The following TMEM132D variants were observed in gnomAD, a reference collection of about 807,000 sequenced individuals.
TMEM132D encodes transmembrane protein 132D, also known as mature OL transmembrane protein.
A neutral mutation model predicts 62.3 loss-of-function variants in TMEM132D; 21 were observed. The observed-to-expected ratio is 0.34, with a 90% CI of 0.24 to 0.49. TMEM132D has a LOEUF of 0.49. Among genes scored for constraint, TMEM132D ranks in the 20% least tolerant of loss-of-function variants. The pLI is 0.99. For missense variants in TMEM132D, 1,346 were observed against 1,402.8 expected, an observed-to-expected ratio of 0.96 and a Z score of 0.65; for synonymous variants, 621 against 575.6, an observed-to-expected ratio of 1.08 and a Z score of -1.13.
intron 3 of TMEM132D, among the ~76,000 whole-genome samples, chr12:129,402,674 G>A (rs1299921936): frequency 2.0e-5 from 3 of 152,158 alleles, no homozygotes; most frequent in South Asian, 4.1e-4. Flanking sequence ...GGACTCAAGC[G>A]ATCCTCCCAT....
At chr12:129,558,463 G>T (rs1171135881) in intron 2 of TMEM132D, among the ~76,000 whole-genome samples, 1 of 152,144 alleles carries the variant, frequency 6.6e-6, no homozygotes, top group Non-Finnish European at 1.5e-5. Context: ...GTAAGGATCA[G>T]GGGGCTACAG....
chr12:129,694,560 G>C (rs1007838073), intron 2 of TMEM132D, among the ~76,000 whole-genome samples: 1 of 152,238 alleles, frequency 6.6e-6, no homozygotes, highest in Admixed American at 6.5e-5. Flanking sequence ...CAGTGGCTGA[G>C]TCTTGGCCAA....
At chr12:129,532,019 G>A (rs1876240639) in intron 2 of TMEM132D, among the ~76,000 whole-genome samples, 1 of 152,032 alleles carries the variant, frequency 6.6e-6, no homozygotes, top group African/African-American at 2.4e-5. Flanking sequence ...TCGACCCACA[G>A]CACTCCAGTT....
chr12:129,110,591 A>G (rs1174231674), intron 5 of TMEM132D: 2 of 152,194 alleles, frequency 1.3e-5, no homozygotes, highest in Non-Finnish European at 2.9e-5. Context: ...AGCACCCACA[A>G]TCCACGAGTA....
intron 5 of TMEM132D, among the ~76,000 whole-genome samples, chr12:129,187,043 C>A (rs1878240421): frequency 1.3e-5 from 2 of 152,076 alleles, no homozygotes; most frequent in African/African-American, 4.8e-5. Context: ...GATCTCAATC[C>A]CCTCCACCCA....
At chr12:129,286,133 AG>A (rs1189307257) in intron 4 of TMEM132D, among the ~76,000 whole-genome samples, 39 of 152,218 alleles carry the variant, frequency 2.6e-4, no homozygotes, top group Non-Finnish European at 8.8e-5. Context: ...TTCATTAGGA[AG>A]GAAGTTAAAC....
chr12:129,174,153 G>A (rs1593285441), intron 5 of TMEM132D, among the ~76,000 whole-genome samples: 1 of 152,216 alleles, frequency 6.6e-6, no homozygotes, highest in South Asian at 2.1e-4. Context: ...AGAACATGCA[G>A]GTTTGTTACA....
At chr12:129,664,090 T>A (rs1593111026) in intron 2 of TMEM132D, among the ~76,000 whole-genome samples, 1 of 152,140 alleles carries the variant, frequency 6.6e-6, no homozygotes, top group Admixed American at 6.5e-5. Context: ...TTTCTATTTT[T>A]AAAAAAATAG....
intron 2 of TMEM132D, among the ~76,000 whole-genome samples, chr12:129,608,270 C>G (rs768514142): frequency 2.0e-5 from 3 of 152,180 alleles, no homozygotes; most frequent in Non-Finnish European, 4.4e-5. Flanking sequence ...AAAATACCAA[C>G]TTTTCTGCAG....
At chr12:129,693,205 A>G (rs1396022723) in intron 2 of TMEM132D, among the ~76,000 whole-genome samples, 1 of 152,232 alleles carries the variant, frequency 6.6e-6, no homozygotes, top group Non-Finnish European at 1.5e-5. Context: ...TCTCACCATT[A>G]CTATTTTACA....
chr12:129,603,932 C>T (rs112142807), intron 2 of TMEM132D, among the ~76,000 whole-genome samples: 15,222 of 152,166 alleles, frequency 0.1, 877 homozygotes, highest in African/African-American at 0.15. Context: ...ATGCCCATCA[C>T]TGATACACTG....
At chr12:129,158,875 G>A (rs999759767) in intron 5 of TMEM132D, among the ~76,000 whole-genome samples, 4 of 152,150 alleles carry the variant, frequency 2.6e-5, no homozygotes, top group African/African-American at 9.7e-5. Context: ...TACAGTCATG[G>A]CAGAAGGTGA....
chr12:129,186,152 G>A (rs1440399569), intron 5 of TMEM132D, among the ~76,000 whole-genome samples: 1 of 152,106 alleles, frequency 6.6e-6, no homozygotes, highest in African/African-American at 2.4e-5. Flanking sequence ...GCCCCCATGG[G>A]GATGCTATCA....
intron 4 of TMEM132D, among the ~76,000 whole-genome samples, chr12:129,309,022 A>T (rs1161139394): frequency 2.0e-5 from 3 of 152,190 alleles, no homozygotes; most frequent in Admixed American, 6.5e-5. Context: ...GGTCTTCATA[A>T]TCCATAGGGT....
chr12:129,472,836 A>G (rs1313254091), intron 3 of TMEM132D, among the ~76,000 whole-genome samples: 3 of 152,194 alleles, frequency 2.0e-5, no homozygotes, highest in African/African-American at 7.2e-5. Context: ...AACAAGAGTC[A>G]ATCAATGTAG....
intron 3 of TMEM132D, among the ~76,000 whole-genome samples, chr12:129,356,090 T>C (rs1016976920): frequency 1.2e-4 from 18 of 151,004 alleles, no homozygotes; most frequent in African/African-American, 4.4e-4. Flanking sequence ...GCTTCCTTCA[T>C]AAATCAGTTG....
At chr12:129,583,833 G>C (rs529544263) in intron 2 of TMEM132D, among the ~76,000 whole-genome samples, 1 of 152,176 alleles carries the variant, frequency 6.6e-6, no homozygotes, top group African/African-American at 2.4e-5. Flanking sequence ...AACACACTGA[G>C]TGTTTTCATT....
intron 3 of TMEM132D, among the ~76,000 whole-genome samples, chr12:129,530,064 T>C (rs1593053088): frequency 6.6e-6 from 1 of 152,282 alleles, no homozygotes; most frequent in Non-Finnish European, 1.5e-5. Flanking sequence ...CGAGAGCTGC[T>C]GATAATCCAA....
intron 1 of TMEM132D, among the ~76,000 whole-genome samples, chr12:129,762,617 G>A (rs551028909): frequency 3.5e-4 from 53 of 152,116 alleles, no homozygotes; most frequent in Non-Finnish European, 6.2e-4. Flanking sequence ...CTGGAGATGT[G>A]TCATCAAAGC....
Sources: allele counts gnomAD v4.1 joint callset (sites outside exome capture counted in the v4.1 genomes callset), GRCh38; gene constraint gnomAD v4.1.1; transcripts MANE v1.5; gene names NCBI Gene and HGNC (gene_info 2026-07-23, HGNC 2026-07-21).